The following CAMTA1 variants were observed in gnomAD, a reference collection of about 807,000 sequenced individuals.
CAMTA1 encodes calmodulin-binding transcription activator 1.
Under a neutral mutation model 170.9 loss-of-function variants are expected in CAMTA1, and 27 were observed. The ratio of observed to expected loss-of-function variants is 0.16; its 90% CI spans 0.12 to 0.22. CAMTA1 has a LOEUF of 0.22. CAMTA1 is among the 10% of genes least tolerant of loss of function. The probability of loss-of-function intolerance (pLI) is 1.00; values close to 1 mark genes in which losing one functional copy is unlikely to be tolerated. For missense variants in CAMTA1, 1,619 were observed against 2,217.2 expected (o/e 0.73, Z 5.42); for synonymous variants, 833 against 891.5 (o/e 0.93, Z 1.17).
At chr1:7,449,632 T>C (rs1024619754) in intron 5 of CAMTA1, among the ~76,000 whole-genome samples, 11 of 151,866 alleles carry the variant, frequency 7.2e-5, no homozygotes, top group African/African-American at 2.7e-4. Context: ...TAGCTGGGCG[T>C]CATGGTGCAT....
Position 7,113,476 on chromosome 1 carries a change from C to T in CAMTA1, c.302+22105C>T, listed in dbSNP as rs1644183686. 6.6e-6 allele frequency among the ~76,000 whole-genome samples: 1 copy of T among 152,112 alleles called. No homozygotes were observed. The highest frequency in any genetic ancestry group is 2.4e-5 in the African/African-American group (1 of 41,414). On this transcript the variant is annotated intron_variant, in intron 4 of 22. Transcript: ENST00000303635. This position sits in a 1 kb window ranked among gnomAD's most constrained non-coding sequence, Gnocchi z 4.5. ...AAGGATCTAGGGGCCAGAGTGGCTC[C>T]CGGTCAGTGTCTAGGAATGGAGAGG...
chr1:6,949,099 C>T (rs182867920), intron 3 of CAMTA1, among the ~76,000 whole-genome samples: 57 of 152,312 alleles, frequency 3.7e-4, no homozygotes, highest in African/African-American at 1.3e-3. Flanking sequence ...CTGACTAATC[C>T]GGTCCTTGTG....
intron 6 of CAMTA1, among the ~76,000 whole-genome samples, chr1:7,576,269 C>A (rs2095192043): frequency 6.6e-6 from 1 of 152,266 alleles, no homozygotes; most frequent in East Asian, 1.9e-4. Context: ...CTCGGCCACC[C>A]AAAGTGCTGG....
Position 7,634,053 on chromosome 1 carries a change from C to T in CAMTA1, c.511-6347C>T, listed in dbSNP as rs1011399684. Among the ~76,000 whole-genome samples the T allele has an allele frequency of 1.3e-5, 2 of 152,256 alleles. No individual in the cohort carries two copies. The highest frequency in any genetic ancestry group is 1.5e-5 in the Non-Finnish European group (1 of 68,018). ...AAGCACAGGTGGCCCGGCCTGGAAC[C>T]GTGGCAGGAGTGTGGGCCTGATCTC... On this transcript the variant is annotated intron_variant, in intron 6 of 22. Coordinates refer to ENST00000303635, the MANE Select transcript of CAMTA1 (RefSeq NM_015215.4). This position sits in a 1 kb window ranked among gnomAD's most constrained non-coding sequence, Gnocchi z 6.2.
chr1:7,668,388 A>AACACACACAAACAC (rs1553241633), intron 9 of CAMTA1, among the ~76,000 whole-genome samples: 127 of 101,456 alleles, frequency 1.3e-3, no homozygotes, highest in African/African-American at 4.3e-3. Flanking sequence ...GCTGGTCACC[A>AACACACACAAACAC]ACACACACAC....
chr1:6,962,049 G>C (rs952629126), intron 3 of CAMTA1, among the ~76,000 whole-genome samples: 1 of 151,778 alleles, frequency 6.6e-6, no homozygotes, highest in Non-Finnish European at 1.5e-5. Context: ...GTCCCCAAAC[G>C]TGTCTCCCTC....
chr1:7,275,511 A>G (rs1200602496), intron 5 of CAMTA1, among the ~76,000 whole-genome samples: 1 of 152,148 alleles, frequency 6.6e-6, no homozygotes, highest in Admixed American at 6.5e-5. Flanking sequence ...TTGAAAAATT[A>G]TAGCTAGCTT....
intron 4 of CAMTA1, among the ~76,000 whole-genome samples, chr1:7,233,590 CT>C (rs1236375400): frequency 1.3e-5 from 2 of 152,260 alleles, no homozygotes; most frequent in African/African-American, 4.8e-5. Flanking sequence ...TTGATGAGGA[CT>C]TATGGAGTGT....
intron 4 of CAMTA1, among the ~76,000 whole-genome samples, chr1:7,145,981 C>T (rs903315700): frequency 6.6e-6 from 1 of 152,184 alleles, no homozygotes; most frequent in Non-Finnish European, 1.5e-5. Flanking sequence ...GTCTATGTAG[C>T]AGAGATAATC....
chr1:7,024,896 C>T (rs1203246236), intron 3 of CAMTA1, among the ~76,000 whole-genome samples: 4 of 152,158 alleles, frequency 2.6e-5, no homozygotes, highest in African/African-American at 4.8e-5. Context: ...TTACTTTCCT[C>T]TCCAAAATAT....
chr1:7,343,817 C>G (rs1221680917), intron 5 of CAMTA1, among the ~76,000 whole-genome samples: 2 of 152,164 alleles, frequency 1.3e-5, no homozygotes, highest in Non-Finnish European at 2.9e-5. Context: ...CTGGGGTTGG[C>G]TTTTGAAATT....
intron 6 of CAMTA1, among the ~76,000 whole-genome samples, chr1:7,593,894 T>G (rs1246766291): frequency 1.3e-5 from 2 of 151,034 alleles, no homozygotes; most frequent in Non-Finnish European, 3.0e-5. Context: ...ATGCAAAAAT[T>G]AACCTGGCAT....
At chr1:6,921,688 G>A (rs554187962) in intron 3 of CAMTA1, among the ~76,000 whole-genome samples, 53 of 152,354 alleles carry the variant, frequency 3.5e-4, no homozygotes, top group Non-Finnish European at 5.9e-4. Flanking sequence ...CATGGTGGAA[G>A]GCAAGGAGGA....
chr1:6,843,592 G>A (rs902424741), intron 3 of CAMTA1, among the ~76,000 whole-genome samples: 1 of 152,076 alleles, frequency 6.6e-6, no homozygotes. Context: ...CAGTTCTTCC[G>A]CCTCAGTCTC....
chr1:6,883,122 G>A (rs1368148314), intron 3 of CAMTA1, among the ~76,000 whole-genome samples: 2 of 152,034 alleles, frequency 1.3e-5, no homozygotes, highest in African/African-American at 2.4e-5. Flanking sequence ...TCGATCCCCT[G>A]ACTTCAAGTG....
chr1:7,469,485 C>T (rs932674344), intron 6 of CAMTA1, among the ~76,000 whole-genome samples: 2 of 152,232 alleles, frequency 1.3e-5, no homozygotes, highest in African/African-American at 4.8e-5. Context: ...TTATCCAAAG[C>T]AGCCTGCAGC....
chr1:7,120,495 G>T (rs1281622737), intron 4 of CAMTA1, among the ~76,000 whole-genome samples: 2 of 152,220 alleles, frequency 1.3e-5, no homozygotes, highest in Non-Finnish European at 2.9e-5. Flanking sequence ...GCAGGGGAGA[G>T]AGAGCCTGCT....
intron 21 of CAMTA1, among the ~76,000 whole-genome samples, chr1:7,754,627 A>T (rs182133879): frequency 6.6e-6 from 1 of 152,366 alleles, no homozygotes; most frequent in Admixed American, 6.5e-5. Flanking sequence ...TTTTTGCCTT[A>T]AGTATAAATT....
intron 5 of CAMTA1, among the ~76,000 whole-genome samples, chr1:7,298,330 C>T (rs972345711): frequency 0.024 from 1 of 42 alleles, no homozygotes; most frequent in African/African-American, 0.083. Context: ...CCACCCCCCA[C>T]CCCGCAGGTC....
Sources: gnomAD v4.1 joint callset for allele counts (sites outside exome capture counted in the v4.1 genomes callset) on GRCh38, gnomAD v4.1.1 for gene constraint, Gnocchi (gnomAD v3.1) non-coding constraint, MANE v1.5 for transcripts, NCBI Gene and HGNC (gene_info 2026-07-23, HGNC 2026-07-21) for gene names.